AKR1C4: variants seen among roughly 807,000 people sequenced by gnomAD.
AKR1C4 encodes the protein 3-alpha-HSD1.
Under a neutral mutation model 41.0 loss-of-function variants are expected in AKR1C4, and 44 were observed. That is an observed-to-expected ratio of 1.07 (90% CI 0.84 to 1.38). The LOEUF (loss-of-function observed/expected upper bound fraction) is 1.38, where lower values mean the gene tolerates loss of function less well. Among genes scored for constraint, AKR1C4 ranks in the 40% most tolerant of loss-of-function variants. The pLI is 0.00. For missense variants in AKR1C4, 438 were observed against 387.9 expected, an observed-to-expected ratio of 1.13 and a Z score of -1.09; for synonymous variants, 165 against 137.7, an observed-to-expected ratio of 1.20 and a Z score of -1.39.
chr10:5,215,537 T>C (rs782547631), intron 7 of AKR1C4, among the ~76,000 whole-genome samples: 7 of 152,202 alleles, frequency 4.6e-5, no homozygotes, highest in Non-Finnish European at 8.8e-5. Flanking sequence ...TTTGCACCCA[T>C]ACCTGATCAT....
intron 1 of AKR1C4, among the ~76,000 whole-genome samples, chr10:5,199,268 C>T (rs1832359871): frequency 1.3e-5 from 2 of 152,060 alleles, no homozygotes; most frequent in African/African-American, 4.8e-5. Flanking sequence ...AAGGTCAGTG[C>T]TGGTGCCTGA....
At chr10:5,212,787 C>T in intron 6 of AKR1C4, 62 bp downstream of exon 6, 1 of 1,534,246 alleles carries the variant, frequency 6.5e-7, no homozygotes, top group Non-Finnish European at 9.0e-7. Flanking sequence ...TTAGTTATAG[C>T]ATACTCAGTC....
At chr10:5,200,391 G>A in intron 2 of AKR1C4, 43 bp downstream of exon 2, 2 of 1,569,768 alleles carry the variant, frequency 1.3e-6, no homozygotes, top group South Asian at 2.4e-5. Flanking sequence ...GTGTTTAATG[G>A]GATTGTGTGG....
In AKR1C4 at chr10:5,196,914, TGCCC is replaced by T; in HGVS notation, c.49_52del (p.Pro17TyrfsTer18). 1 of 1,614,090 alleles carries T rather than the reference TGCCC, an allele frequency of 6.2e-7. No individual in the cohort carries two copies. Among genetic ancestry groups the T allele is most frequent in the Non-Finnish European group, 8.5e-7 (1 of 1,179,946 alleles). ...GTAGAGCTAAATGATGGTCACTTCA[TGCCC>T]GTATTGGGATTTGGCACCTATGCAC... On this transcript the variant is annotated frameshift_variant, in exon 1 of 9. Transcript: ENST00000263126. LOFTEE classifies it high-confidence loss of function.
chr10:5,207,542 T>C (rs1045250460), intron 5 of AKR1C4: 1 of 581,632 alleles, frequency 1.7e-6, no homozygotes, highest in South Asian at 1.5e-5. Context: ...GATGTCCCTG[T>C]ACTTACAGGT....
At chr10:5,206,738 T>C (rs994805169) in intron 5 of AKR1C4, among the ~76,000 whole-genome samples, 23 of 123,328 alleles carry the variant, frequency 1.9e-4, no homozygotes, top group African/African-American at 8.5e-4. Flanking sequence ...GTAAAGATGA[T>C]TTGGAGTAGA....
intron 2 of AKR1C4, among the ~76,000 whole-genome samples, chr10:5,202,694 A>T (rs375419712): frequency 1.3e-5 from 2 of 152,098 alleles, no homozygotes. Context: ...TCATAAATGG[A>T]TGTTGGATTT....
chr10:5,211,157 G>A (rs1241232188), intron 5 of AKR1C4, among the ~76,000 whole-genome samples: 5 of 152,174 alleles, frequency 3.3e-5, no homozygotes, highest in African/African-American at 9.6e-5. Flanking sequence ...CCTGTGATGA[G>A]AAGGGCTGAC....
chr10:5,204,510 A>G lies in AKR1C4; in HGVS notation c.369+17A>G. 1 of 1,531,096 alleles carries G rather than the reference A, an allele frequency of 6.5e-7. No individual in the cohort carries two copies. The highest frequency in any genetic ancestry group is 9.1e-7 in the Non-Finnish European group (1 of 1,104,558). The allele number at this position is 1,531,096 out of a possible 1,614,324, so 94.8% of individuals were successfully genotyped here. On this transcript the variant is annotated intron_variant, in intron 3 of 8. Transcript: ENST00000263126. ...GCTCTCAAGGTAGGGAATTTGTGAGATCAACTTCTCTTCTGTTCTCAGCAT... is the reference window on the plus strand; with the variant it reads ...GCTCTCAAGGTAGGGAATTTGTGAGGTCAACTTCTCTTCTGTTCTCAGCAT...
intron 2 of AKR1C4, among the ~76,000 whole-genome samples, chr10:5,203,522 G>A (rs1402480670): frequency 6.6e-6 from 1 of 152,178 alleles, no homozygotes; most frequent in Non-Finnish European, 1.5e-5. Context: ...CAGATTCCCT[G>A]GTGGGGAAGA....
At position 5,196,949 on chromosome 10, in the gene AKR1C4, G is replaced by T; in HGVS notation, c.82G>T (p.Glu28Ter). Residue 28 changes from glutamate to a stop codon, truncating the protein, a stop_gained and splice_region_variant, in exon 1 of 9, where the codon GAG (glutamate) becomes TAG (stop). Coordinates refer to ENST00000263126, the MANE Select transcript of AKR1C4 (RefSeq NM_001818.5). LOFTEE classifies it high-confidence loss of function. ...GGGATTTGGCACCTATGCACCTCCA[G>T]AGGTAATAATCACATTTTCAGCATT... ...VLGFGTYAPP[E>*]VPRNRAVEVT... The T allele has an allele frequency of 6.2e-7, 1 of 1,613,650 alleles. No homozygotes were observed.
Position 5,216,798 on chromosome 10 carries a change from G to A in AKR1C4, c.929+5G>A. On this transcript the variant is annotated splice_donor_5th_base_variant and intron_variant, in intron 8 of 8. Transcript: ENST00000263126. ...TCGATATGTTGTCATGGATTTGTAA[G>A]TAACTTTGGAAAATGGGTTTCCCAG... 6.3e-7 allele frequency: 1 copy of A among 1,598,426 alleles called. No homozygotes were observed. Among genetic ancestry groups the A allele is most frequent in the Non-Finnish European group, 8.6e-7 (1 of 1,168,780 alleles).
chr10:5,204,013 AACT>A (rs199869376), intron 2 of AKR1C4, among the ~76,000 whole-genome samples: 2,465 of 152,278 alleles, frequency 0.016, 63 homozygotes, highest in African/African-American at 0.056. Context: ...AGCACGTAAA[AACT>A]TTTTGCTCTT....
In AKR1C4 at chr10:5,204,412, AC is replaced by A; in HGVS notation, c.290del (p.Pro97GlnfsTer7). 1 of 1,614,030 alleles carries A rather than the reference AC, an allele frequency of 6.2e-7. No homozygotes were observed. Among genetic ancestry groups the A allele is most frequent in the Non-Finnish European group, 8.5e-7 (1 of 1,179,908 alleles). ...CTTTCTTTCAACCACAGATGGTCCA[AC>A]CAGCCTTGGAAAGCTCACTGAAAAA... is the stretch of plus-strand genomic sequence containing the variant. ...CTFFQPQMVQPALESSLKKLQ... is the reference protein window; with the variant it reads ...CTFFQPQMVQXALESSLKKLQ... On this transcript the variant is annotated frameshift_variant, in exon 3 of 9. Transcript: ENST00000263126. LOFTEE classifies it high-confidence loss of function.
Position 5,205,839 on chromosome 10 carries a change from G to A in AKR1C4, c.447+5G>A. The A allele has an allele frequency of 6.2e-7, 1 of 1,611,668 alleles. No homozygotes were observed. The highest frequency in any genetic ancestry group is 2.2e-5 in the East Asian group (1 of 44,838). ...GATCTCTCTGCCACATGGGAGGTGA[G>A]TGCTTGGAGGACAGAGTACAGAAAA... On this transcript the variant is annotated splice_donor_5th_base_variant and intron_variant, in intron 4 of 8. Coordinates refer to ENST00000263126, the MANE Select transcript of AKR1C4 (RefSeq NM_001818.5).
At position 5,218,712 on chromosome 10, in the gene AKR1C4, T is replaced by A. The variant is rs782658123; in HGVS notation, c.930-6T>A. On this transcript the variant is annotated splice_polypyrimidine_tract_variant and splice_region_variant and intron_variant, in intron 8 of 8. Transcript: ENST00000263126. ...CATATTTATGTACTATCCTTTCTCTTTTCAGTCTTATGGACCATCCTGATT... is the reference window on the plus strand; with the variant it reads ...CATATTTATGTACTATCCTTTCTCTATTCAGTCTTATGGACCATCCTGATT... 1.3e-6 allele frequency: 2 copies of A among 1,590,418 alleles called. No individual in the cohort carries two copies. The highest frequency in any genetic ancestry group is 2.2e-5 in the South Asian group (2 of 90,636).
intron 1 of AKR1C4, 119 bp from the exon 2 acceptor site, chr10:5,200,062 G>A: frequency 7.7e-7 from 1 of 1,305,484 alleles, no homozygotes; most frequent in South Asian, 1.5e-5. Context: ...GAGCAGCGGG[G>A]GCCTGAAGAA....
intron 1 of AKR1C4, 102 bp downstream of exon 1, chr10:5,197,053 G>T: frequency 1.8e-6 from 2 of 1,124,184 alleles, no homozygotes; most frequent in South Asian, 1.3e-5. Context: ...TACCCTGAGT[G>T]ACTCACGTGG....
At position 5,216,811 on chromosome 10, in the gene AKR1C4, A is replaced by G; in HGVS notation, c.929+18A>G. On this transcript the variant is annotated intron_variant, in intron 8 of 8. Transcript: ENST00000263126. ...ATGGATTTGTAAGTAACTTTGGAAAATGGGTTTCCCAGTTTATTTTTAGAG... is the reference window on the plus strand; with the variant it reads ...ATGGATTTGTAAGTAACTTTGGAAAGTGGGTTTCCCAGTTTATTTTTAGAG... 2 of 1,572,768 alleles carry G rather than the reference A, an allele frequency of 1.3e-6. No individual in the cohort carries two copies. The highest frequency in any genetic ancestry group is 1.7e-6 in the Non-Finnish European group (2 of 1,146,088).
Sources: gnomAD v4.1 joint callset for allele counts (sites outside exome capture counted in the v4.1 genomes callset) on GRCh38, gnomAD v4.1.1 for gene constraint, MANE v1.5 for transcripts, NCBI Gene and HGNC (gene_info 2026-07-23, HGNC 2026-07-21) for gene names.